The following NLK variants were observed in gnomAD, a reference collection of about 807,000 sequenced individuals.
NLK encodes the protein serine/threonine-protein kinase NLK.
Under a neutral mutation model 59.0 loss-of-function variants are expected in NLK, and 11 were observed. That is an observed-to-expected ratio of 0.19 (90% CI 0.12 to 0.31). The LOEUF (loss-of-function observed/expected upper bound fraction) is 0.31, where lower values mean the gene tolerates loss of function less well. Among genes scored for constraint, NLK ranks in the 10% least tolerant of loss-of-function variants. The pLI, the probability that NLK is intolerant of heterozygous loss-of-function variation, is 1.00. For missense variants in NLK, 410 were observed against 661.1 expected, an observed-to-expected ratio of 0.62 and a Z score of 4.16; for synonymous variants, 235 against 235.9, an observed-to-expected ratio of 1.00 and a Z score of 0.03.
intron 7 of NLK, among the ~76,000 whole-genome samples, chr17:28,177,741 T>C (rs754378468): frequency 4.6e-5 from 7 of 152,206 alleles, no homozygotes; most frequent in Non-Finnish European, 7.3e-5. Context: ...CTATAAGTAG[T>C]AGAAAATTAT....
intron 8 of NLK, among the ~76,000 whole-genome samples, chr17:28,186,023 A>T (rs1212388281): frequency 3.9e-5 from 6 of 152,230 alleles, no homozygotes; most frequent in Admixed American, 6.5e-5. Context: ...CATCCAAAGA[A>T]TATTTATTAT....
At chr17:28,181,731 G>A (rs1209727469) in intron 7 of NLK, among the ~76,000 whole-genome samples, 1 of 152,096 alleles carries the variant, frequency 6.6e-6, no homozygotes, top group Admixed American at 6.5e-5. Flanking sequence ...CACAAGGCTG[G>A]GTGCAGTGGC....
chr17:28,053,716 T>C (rs757531327), intron 1 of NLK, among the ~76,000 whole-genome samples: 3 of 152,218 alleles, frequency 2.0e-5, no homozygotes, highest in Non-Finnish European at 4.4e-5. Flanking sequence ...AAATTAGTCA[T>C]TTGACCCAGA....
chr17:28,118,472 A>G (rs946920974), intron 1 of NLK, among the ~76,000 whole-genome samples: 6 of 152,194 alleles, frequency 3.9e-5, no homozygotes, highest in African/African-American at 1.2e-4. Flanking sequence ...GAGAAACACA[A>G]TTTCTTGGAG....
chr17:28,204,663 C>T, the NLK span, among the ~76,000 whole-genome samples: 1 of 152,152 alleles, frequency 6.6e-6, no homozygotes, highest in East Asian at 1.9e-4. Context: ...CCTCATGGAG[C>T]CCCCATTCTA....
At chr17:28,137,651 T>G (rs1167180160) in intron 3 of NLK, among the ~76,000 whole-genome samples, 4 of 152,152 alleles carry the variant, frequency 2.6e-5, no homozygotes, top group Admixed American at 2.0e-4. Flanking sequence ...TAATCATGTA[T>G]TTCCTAAAAG....
At chr17:28,204,804 C>A in the NLK span, among the ~76,000 whole-genome samples, 1 of 152,180 alleles carries the variant, frequency 6.6e-6, no homozygotes, top group African/African-American at 2.4e-5. Context: ...TATTTATTAA[C>A]ACGAAATGAT....
intron 9 of NLK, 31 bp downstream of exon 9, chr17:28,191,250 A>G: frequency 6.6e-7 from 1 of 1,523,072 alleles, no homozygotes; most frequent in South Asian, 1.2e-5. Context: ...TTGGCCAGGC[A>G]ATATGCCTAG....
At chr17:28,063,466 C>T (rs1337716746) in intron 1 of NLK, among the ~76,000 whole-genome samples, 2 of 151,650 alleles carry the variant, frequency 1.3e-5, no homozygotes, top group Non-Finnish European at 2.9e-5. Context: ...TCTCATTTCT[C>T]GGGGTTTGGG....
chr17:28,084,722 C>A (rs571144369), intron 1 of NLK, among the ~76,000 whole-genome samples: 1 of 152,292 alleles, frequency 6.6e-6, no homozygotes, highest in South Asian at 2.1e-4. Flanking sequence ...TGCCACCATG[C>A]CCGGCTAATT....
intron 5 of NLK, among the ~76,000 whole-genome samples, chr17:28,166,109 G>GAGT (rs1908221901): frequency 6.6e-6 from 1 of 152,152 alleles, no homozygotes; most frequent in Non-Finnish European, 1.5e-5. Flanking sequence ...CAGCTGCTCA[G>GAGT]GAGGCAGAGA....
chr17:28,092,007 A>G (rs1156477639), intron 1 of NLK, among the ~76,000 whole-genome samples: 2 of 152,174 alleles, frequency 1.3e-5, no homozygotes, highest in African/African-American at 4.8e-5. Context: ...AGGCACCCCT[A>G]GTTGAACAAG....
intron 1 of NLK, among the ~76,000 whole-genome samples, chr17:28,094,312 GTCTTA>G (rs1177470004): frequency 2.0e-5 from 3 of 152,184 alleles, no homozygotes; most frequent in Non-Finnish European, 4.4e-5. Flanking sequence ...GATTGCTTTT[GTCTTA>G]AGAACCTACA....
intron 8 of NLK, among the ~76,000 whole-genome samples, chr17:28,186,750 C>T (rs949767802): frequency 6.6e-6 from 1 of 152,116 alleles, no homozygotes; most frequent in Non-Finnish European, 1.5e-5. Flanking sequence ...CCCCATCATT[C>T]AGTTACCTCC....
intron 8 of NLK, chr17:28,190,796 T>C: frequency 2.3e-6 from 1 of 435,814 alleles, no homozygotes. Flanking sequence ...GAAAGGCACT[T>C]CTAAGTACTT....
In NLK at chr17:28,150,763, T is replaced by A. The variant is rs544346692; in HGVS notation, c.645-10397T>A. ...AATTGCTGCAATCAGCAGCAATTTG[T>A]TTTATAGTAGGGCTGTTCAAATCAC... On this transcript the variant is annotated intron_variant, in intron 3 of 10. Coordinates refer to ENST00000407008, the MANE Select transcript of NLK (RefSeq NM_016231.5). 2.6e-5 allele frequency among the ~76,000 whole-genome samples: 4 copies of A among 152,288 alleles called. No homozygotes were observed. The South Asian group carries it at 8.3e-4, about 32-fold the overall frequency.
intron 4 of NLK, among the ~76,000 whole-genome samples, chr17:28,161,621 C>G (rs1908009420): frequency 6.6e-6 from 1 of 152,178 alleles, no homozygotes; most frequent in Non-Finnish European, 1.5e-5. Context: ...TGAAAAGTGA[C>G]TATATCCCCT....
chr17:28,121,079 T>C (rs1906027022), intron 1 of NLK, among the ~76,000 whole-genome samples: 1 of 152,072 alleles, frequency 6.6e-6, no homozygotes, highest in Non-Finnish European at 1.5e-5. Flanking sequence ...ATGGATCAAT[T>C]CTTTTTTCTT....
At chr17:28,176,748 A>AC (rs1359955632) in intron 7 of NLK, among the ~76,000 whole-genome samples, 1 of 152,090 alleles carries the variant, frequency 6.6e-6, no homozygotes, top group African/African-American at 2.4e-5. Flanking sequence ...TGCAACTACC[A>AC]CCCCCAATCC....
Sources: allele counts gnomAD v4.1 joint callset (sites outside exome capture counted in the v4.1 genomes callset), GRCh38; gene constraint gnomAD v4.1.1; transcripts MANE v1.5; gene names NCBI Gene and HGNC (gene_info 2026-07-23, HGNC 2026-07-21).